The following TTLL6 variants were observed in gnomAD, a reference collection of about 807,000 sequenced individuals.
TTLL6 encodes tubulin tyrosine ligase like 6.
Under a neutral mutation model 96.4 loss-of-function variants are expected in TTLL6, and 75 were observed. That is an observed-to-expected ratio of 0.78 (90% confidence interval 0.65 to 0.94). The LOEUF is 0.94. Among genes scored for constraint, TTLL6 ranks in the 40% least tolerant of loss-of-function variants. The probability of loss-of-function intolerance (pLI) is 0.00; values close to 1 mark genes in which losing one functional copy is unlikely to be tolerated. For missense variants in TTLL6, 1,030 were observed against 1,093.0 expected, an observed-to-expected ratio of 0.94 and a Z score of 0.81; for synonymous variants, 411 against 419.4, an observed-to-expected ratio of 0.98 and a Z score of 0.24.
At chr17:48,776,297 T>C (rs1007303454) in intron 13 of TTLL6, among the ~76,000 whole-genome samples, 1 of 152,092 alleles carries the variant, frequency 6.6e-6, no homozygotes, top group African/African-American at 2.4e-5. Context: ...AAACCCTGTC[T>C]CTACTAAAAT....
intron 1 of TTLL6, among the ~76,000 whole-genome samples, chr17:48,813,889 G>T (rs746070908): frequency 3.9e-5 from 6 of 152,100 alleles, no homozygotes; most frequent in Non-Finnish European, 8.8e-5. Flanking sequence ...CTGTGCTAGG[G>T]GAGGGGACTT....
rs1023375889 is a variant in TTLL6, at chr17:48,762,708, C to T, written c.*266G>A. On this transcript the variant is annotated 3_prime_UTR_variant, in exon 16 of 16. Coordinates refer to ENST00000393382, the MANE Select transcript of TTLL6 (RefSeq NM_001130918.3). ...AGAACCCAGAGAAGTGCCACTGGTA[C>T]GGCAACTGGAGTGTGTCCTGGGGCA... 2.3e-5 allele frequency: 6 copies of T among 264,670 alleles called. No homozygotes were observed. The highest frequency in any genetic ancestry group is 3.7e-5 in the Non-Finnish European group (5 of 133,564). 16.4% of individuals were successfully genotyped at this position (264,670 alleles called of 1,614,324 possible).
intron 8 of TTLL6, 107 bp from the exon 9 acceptor site, chr17:48,791,710 C>T (rs2039228869): frequency 2.1e-6 from 2 of 954,440 alleles, no homozygotes; most frequent in Non-Finnish European, 3.1e-6. Context: ...GCTCCAGAGC[C>T]AGCGAGGATG....
chr17:48,806,884 G>A (rs540240187), intron 1 of TTLL6, among the ~76,000 whole-genome samples: 1 of 151,814 alleles, frequency 6.6e-6, no homozygotes, highest in East Asian at 2.0e-4. Flanking sequence ...TACAAAATTA[G>A]CCAGGCATGG....
chr17:48,789,897 G>T, intron 10 of TTLL6, 34 bp downstream of exon 10: 1 of 1,607,860 alleles, frequency 6.2e-7, no homozygotes, highest in East Asian at 2.2e-5. Flanking sequence ...GAGTCAGAGA[G>T]AGAGCCCCGC....
Position 48,785,238 on chromosome 17 carries a change from A to G in TTLL6, c.1762-37T>C, listed in dbSNP as rs887340272. ...AGAAACCACAACACACAGCCATGGG[A>G]ACCCAGCTCTATCCACTTCCAGATT... On this transcript the variant is annotated intron_variant, in intron 12 of 15. Coordinates refer to ENST00000393382, the MANE Select transcript of TTLL6 (RefSeq NM_001130918.3). 6.2e-6 allele frequency: 10 copies of G among 1,612,952 alleles called. No individual in the cohort carries two copies. In the Admixed American group the frequency reaches 1.7e-4, roughly 27 times the overall value.
At position 48,773,996 on chromosome 17, in the gene TTLL6, C is replaced by T. The variant is rs544870021; in HGVS notation, c.2041-3899G>A. Among the ~76,000 whole-genome samples the T allele has an allele frequency of 4.4e-4, 64 of 144,130 alleles. 1 individual carries two copies. The highest frequency in any genetic ancestry group is 1.5e-3 in the African/African-American group (60 of 39,340). 94.6% of individuals were successfully genotyped at this position (144,130 alleles called of 152,430 possible). A position where few individuals can be genotyped will look rare whatever the true frequency, so the allele number is the denominator to read the frequency against. ...ACTTGGGAGGCTGAGGCAGGAGAAT[C>T]GCTTGAACCTGGGAAGCGGAGGTTG... On this transcript the variant is annotated intron_variant, in intron 13 of 15. Transcript: ENST00000393382.
At chr17:48,796,505 G>C (rs1214246942) in intron 7 of TTLL6, among the ~76,000 whole-genome samples, 1 of 151,886 alleles carries the variant, frequency 6.6e-6, no homozygotes, top group African/African-American at 2.4e-5. Flanking sequence ...TGTAATCCCA[G>C]CTACTTAGGA....
At chr17:48,784,582 A>G (rs917297977) in intron 13 of TTLL6, among the ~76,000 whole-genome samples, 1 of 152,146 alleles carries the variant, frequency 6.6e-6, no homozygotes, top group Non-Finnish European at 1.5e-5. Context: ...GAGATGGAGC[A>G]TGGTCCTGCC....
intron 8 of TTLL6, among the ~76,000 whole-genome samples, chr17:48,792,719 C>G (rs1161737595): frequency 6.6e-6 from 1 of 152,174 alleles, no homozygotes; most frequent in African/African-American, 2.4e-5. Flanking sequence ...TATATAAAGA[C>G]AGATAAGCAA....
At position 48,786,364 on chromosome 17, in the gene TTLL6, G is replaced by C. The variant is rs77321038; in HGVS notation, c.1590-29C>G. ...CCCATGAAGAACAAGTGAACATCAT[G>C]GGGGTTAGAAATGCGCTGCGCAGGC... On this transcript the variant is annotated intron_variant, in intron 11 of 15. Transcript: ENST00000393382. 5 of 1,614,016 alleles carry C rather than the reference G, an allele frequency of 3.1e-6. No homozygotes were observed. In the Admixed American group the frequency reaches 6.7e-5, roughly 22 times the overall value.
At chr17:48,784,240 A>G (rs1291355947) in intron 13 of TTLL6, among the ~76,000 whole-genome samples, 1 of 152,078 alleles carries the variant, frequency 6.6e-6, no homozygotes. Flanking sequence ...AACCTTCTCG[A>G]CAAAAAATAC....
chr17:48,785,625 C>T (rs571913010), intron 12 of TTLL6, among the ~76,000 whole-genome samples: 3 of 152,182 alleles, frequency 2.0e-5, no homozygotes, highest in South Asian at 2.1e-4. Context: ...GCAGAGAAGG[C>T]GTAGACAGAC....
chr17:48,811,956 C>T (rs1170277365), intron 1 of TTLL6, among the ~76,000 whole-genome samples: 1 of 152,126 alleles, frequency 6.6e-6, no homozygotes, highest in Admixed American at 6.5e-5. Flanking sequence ...CCACCTCGGC[C>T]TCCCAAAGTG....
rs1353129619 is a variant in TTLL6, at chr17:48,790,017, G to A, written c.1314C>T (p.Asn438=). 3 of 1,614,034 alleles carry A rather than the reference G, an allele frequency of 1.9e-6. No homozygotes were observed. In the East Asian group the frequency reaches 6.7e-5, roughly 36 times the overall value. Residue 438 remains asparagine, a synonymous_variant, in exon 10 of 16, where the codon AAC becomes AAT. Coordinates refer to ENST00000393382, the MANE Select transcript of TTLL6 (RefSeq NM_001130918.3). ...CTTTCTTCTTGTCACAGCTTTCCAG[G>A]TTGATCAGGACTAAGGTGTCATACA... The part of the protein sequence containing the change: ...GLLYDTLVLI[N]LESCDKKKVL...
intron 8 of TTLL6, chr17:48,794,172 G>T: frequency 6.2e-7 from 1 of 1,613,626 alleles, no homozygotes; most frequent in Non-Finnish European, 8.5e-7. Context: ...AATGGAAGAG[G>T]CAGAACAACA....
chr17:48,799,787 A>T, intron 5 of TTLL6, 27 bp from the exon 6 acceptor site: 1 of 1,546,862 alleles, frequency 6.5e-7, no homozygotes, highest in Non-Finnish European at 8.7e-7. Flanking sequence ...GGAACAAGAT[A>T]CATCTTTAGC....
chr17:48,771,414 A>T (rs1163193651), intron 13 of TTLL6, among the ~76,000 whole-genome samples: 1 of 152,170 alleles, frequency 6.6e-6, no homozygotes, highest in African/African-American at 2.4e-5. Flanking sequence ...GGATCACTTT[A>T]GGCCAGGAGT....
intron 15 of TTLL6, among the ~76,000 whole-genome samples, chr17:48,764,194 T>C (rs1284177762): frequency 3.9e-5 from 6 of 152,058 alleles, no homozygotes; most frequent in Non-Finnish European, 7.4e-5. Flanking sequence ...TCAACTCTTA[T>C]ACAGATCTGC....
Sources: allele counts gnomAD v4.1 joint callset (sites outside exome capture counted in the v4.1 genomes callset), GRCh38; gene constraint gnomAD v4.1.1; transcripts MANE v1.5; gene names NCBI Gene and HGNC (gene_info 2026-07-23, HGNC 2026-07-21).